Variants in CADM2 observed in about 807,000 individuals in gnomAD.
CADM2 encodes cell adhesion molecule 2, also known as immunoglobulin superfamily member 4D.
A neutral mutation model predicts 49.8 loss-of-function variants in CADM2; 12 were observed. The observed-to-expected ratio is 0.24, with a 90% CI of 0.15 to 0.39. The LOEUF (loss-of-function observed/expected upper bound fraction) is 0.39, where lower values mean the gene tolerates loss of function less well. Ranked by LOEUF, CADM2 falls within the 10% of genes least tolerant of loss-of-function variation. The pLI is 1.00. For missense variants in CADM2, 378 were observed against 492.3 expected (o/e 0.77, Z 2.20); for synonymous variants, 214 against 175.4 (o/e 1.22, Z -1.74).
At chr3:85,701,720 A>C (rs1233052010) in intron 1 of CADM2, among the ~76,000 whole-genome samples, 2 of 152,142 alleles carry the variant, frequency 1.3e-5, no homozygotes, top group Non-Finnish European at 2.9e-5. Context: ...TCAGCTTCTA[A>C]ACTGGTAAAT....
intron 3 of CADM2, among the ~76,000 whole-genome samples, chr3:85,846,978 G>T (rs1361837054): frequency 6.6e-6 from 1 of 152,188 alleles, no homozygotes; most frequent in East Asian, 1.9e-4. Flanking sequence ...GATGGTATCT[G>T]CTTAATTGGT....
chr3:85,565,318 T>G (rs1350124324), intron 1 of CADM2, among the ~76,000 whole-genome samples: 4 of 152,112 alleles, frequency 2.6e-5, no homozygotes, highest in Non-Finnish European at 4.4e-5. Context: ...TTTAAGAGAC[T>G]GACATTTAGA....
chr3:85,075,212 T>C (rs1471028454), intron 1 of CADM2, among the ~76,000 whole-genome samples: 1 of 151,748 alleles, frequency 6.6e-6, no homozygotes, highest in Non-Finnish European at 1.5e-5. Context: ...TGATCAGGCC[T>C]AAGCAGTTTT....
At chr3:85,558,883 A>G (rs1447815754) in intron 1 of CADM2, among the ~76,000 whole-genome samples, 1 of 152,114 alleles carries the variant, frequency 6.6e-6, no homozygotes, top group Non-Finnish European at 1.5e-5. Context: ...TATCAAAATA[A>G]ACCAGATCTC....
intron 1 of CADM2, among the ~76,000 whole-genome samples, chr3:85,531,078 C>T (rs186994581): frequency 2.3e-3 from 356 of 152,216 alleles, no homozygotes; most frequent in Non-Finnish European, 4.1e-3. Flanking sequence ...TTTCCATTCA[C>T]GACTTAGCAT....
chr3:85,008,725 A>G (rs371041111), intron 1 of CADM2, among the ~76,000 whole-genome samples: 1 of 152,086 alleles, frequency 6.6e-6, no homozygotes, highest in African/African-American at 2.4e-5. Flanking sequence ...TGATATAAGA[A>G]ACATATATAA....
chr3:85,961,798 T>A, intron 8 of CADM2, 151 bp downstream of exon 8: 1 of 434,716 alleles, frequency 2.3e-6, no homozygotes, highest in Non-Finnish European at 3.9e-6. Flanking sequence ...TGAGATATTA[T>A]ATTTAATATT....
chr3:85,568,449 TTC>T (rs750571484), intron 1 of CADM2, among the ~76,000 whole-genome samples: 1 of 27,772 alleles, frequency 3.6e-5, no homozygotes, highest in African/African-American at 1.0e-4. Flanking sequence ...CTTTCTTTCT[TTC>T]TTTCTTTCTT....
chr3:85,147,203 A>G (rs1472853888), intron 1 of CADM2, among the ~76,000 whole-genome samples: 1 of 134,402 alleles, frequency 7.4e-6, no homozygotes, highest in East Asian at 2.6e-4. Flanking sequence ...AGAACCCGGG[A>G]GGCGGAGCTT....
chr3:85,369,439 C>A (rs1358721969), intron 1 of CADM2, among the ~76,000 whole-genome samples: 1 of 152,126 alleles, frequency 6.6e-6, no homozygotes, highest in Non-Finnish European at 1.5e-5. Flanking sequence ...TTGAGACCAG[C>A]TTGGCCAACA....
chr3:85,686,483 T>A (rs1429738995), intron 1 of CADM2, among the ~76,000 whole-genome samples: 1 of 152,220 alleles, frequency 6.6e-6, no homozygotes, highest in East Asian at 1.9e-4. Context: ...ATGATGAATA[T>A]TATTCTGTAC....
intron 1 of CADM2, among the ~76,000 whole-genome samples, chr3:85,078,583 G>A (rs1020344344): frequency 2.0e-5 from 3 of 151,722 alleles, no homozygotes; most frequent in Admixed American, 1.3e-4. Flanking sequence ...TATCTTATCT[G>A]CACAAAGCCC....
chr3:85,896,544 G>T (rs1360161911), intron 5 of CADM2, among the ~76,000 whole-genome samples: 4 of 152,140 alleles, frequency 2.6e-5, no homozygotes, highest in Non-Finnish European at 5.9e-5. Flanking sequence ...GTGTACACCT[G>T]GTTAGGCACC....
intron 1 of CADM2, among the ~76,000 whole-genome samples, chr3:85,379,170 A>C (rs2033759084): frequency 6.6e-6 from 1 of 151,980 alleles, no homozygotes; most frequent in Admixed American, 6.6e-5. Flanking sequence ...TTACCATTGT[A>C]AACTCATTTA....
At chr3:85,900,593 C>A (rs1342143828) in intron 5 of CADM2, among the ~76,000 whole-genome samples, 2 of 152,030 alleles carry the variant, frequency 1.3e-5, no homozygotes, top group Non-Finnish European at 2.9e-5. Flanking sequence ...GAAATTGCTT[C>A]TTTTTAAACT....
chr3:85,707,981 AT>A (rs925227639), intron 1 of CADM2, among the ~76,000 whole-genome samples: 1 of 152,174 alleles, frequency 6.6e-6, no homozygotes, highest in African/African-American at 2.4e-5. Flanking sequence ...AACTCTTGAA[AT>A]TTTAGTGCTC....
chr3:85,144,832 GATAAAT>G, intron 1 of CADM2, among the ~76,000 whole-genome samples: 1 of 152,196 alleles, frequency 6.6e-6, no homozygotes, highest in South Asian at 2.1e-4. Flanking sequence ...TTACAAGATA[GATAAAT>G]ATAATCACAA....
chr3:85,265,147 C>G (rs934965030), intron 1 of CADM2, among the ~76,000 whole-genome samples: 1 of 151,892 alleles, frequency 6.6e-6, no homozygotes, highest in African/African-American at 2.4e-5. Context: ...AATACAGAAT[C>G]CACATTAACT....
intron 1 of CADM2, among the ~76,000 whole-genome samples, chr3:85,622,627 C>A (rs1480899527): frequency 6.6e-6 from 1 of 152,022 alleles, no homozygotes; most frequent in Non-Finnish European, 1.5e-5. Context: ...CCATCTTTTC[C>A]CCTTTAACAA....
Sources: allele counts gnomAD v4.1 joint callset (sites outside exome capture counted in the v4.1 genomes callset), GRCh38; gene constraint gnomAD v4.1.1; transcripts MANE v1.5; gene names NCBI Gene and HGNC (gene_info 2026-07-23, HGNC 2026-07-21).